The following PLD5 variants were observed in gnomAD, a reference collection of about 807,000 sequenced individuals.
PLD5 encodes phospholipase D family member 5, also known as inactive phospholipase D5.
A neutral mutation model predicts 61.1 loss-of-function variants in PLD5; 36 were observed. The ratio of observed to expected loss-of-function variants is 0.59; its 90% CI spans 0.45 to 0.78. PLD5 has a LOEUF of 0.78. PLD5 is among the 30% of genes least tolerant of loss of function. The probability of loss-of-function intolerance (pLI) is 0.00; values close to 1 mark genes in which losing one functional copy is unlikely to be tolerated. For missense variants in PLD5, 515 were observed against 644.4 expected (o/e 0.80, Z 2.17); for synonymous variants, 243 against 242.8 (o/e 1.00, Z -0.01).
intron 5 of PLD5, among the ~76,000 whole-genome samples, chr1:242,207,785 TA>T (rs1669438574): frequency 1.6e-5 from 1 of 64,360 alleles, no homozygotes; most frequent in African/African-American, 1.4e-4. Flanking sequence ...TATATATATT[TA>T]TATTTATATA....
chr1:242,225,032 C>A (rs952235235), intron 4 of PLD5, among the ~76,000 whole-genome samples: 2 of 152,146 alleles, frequency 1.3e-5, no homozygotes, highest in African/African-American at 4.8e-5. Context: ...CTATAGTTTT[C>A]CTTTTGTAAG....
rs144785217 is a variant in PLD5, at chr1:242,259,716, T to C, written c.607+5621A>G. On this transcript the variant is annotated intron_variant, in intron 4 of 9. Transcript: ENST00000536534. ...CTTTTTTTTTTCAAAAGGAAATTGA[T>C]ATTTTCTGACTTTATTTTATTTTTA... Among the ~76,000 whole-genome samples the C allele has an allele frequency of 4.6e-3, 701 of 152,164 alleles. 5 individuals are homozygous for C. Among genetic ancestry groups the C allele is most frequent in the African/African-American group, 0.013 (549 of 41,512 alleles).
At chr1:242,389,013 C>T (rs1161319541) in intron 1 of PLD5, among the ~76,000 whole-genome samples, 1 of 151,060 alleles carries the variant, frequency 6.6e-6, no homozygotes, top group Non-Finnish European at 1.5e-5. Context: ...CAAGATTGCG[C>T]CACTGCACTC....
chr1:242,097,398 C>G (rs1442633872), intron 9 of PLD5, among the ~76,000 whole-genome samples: 1 of 152,212 alleles, frequency 6.6e-6, no homozygotes. Context: ...TCTCCACATC[C>G]TCTCCAGCAC....
chr1:242,386,603 C>T (rs1217537068), intron 1 of PLD5, among the ~76,000 whole-genome samples: 1 of 152,140 alleles, frequency 6.6e-6, no homozygotes, highest in Non-Finnish European at 1.5e-5. Flanking sequence ...ATACAAAGCA[C>T]TCAACAACAC....
At chr1:242,430,767 C>T (rs1420614778) in intron 1 of PLD5, among the ~76,000 whole-genome samples, 1 of 152,160 alleles carries the variant, frequency 6.6e-6, no homozygotes, top group African/African-American at 2.4e-5. Context: ...CTCACAGGCA[C>T]ATGTCTAACT....
chr1:242,220,146 C>T, intron 4 of PLD5, 31 bp from the exon 5 acceptor site: 1 of 1,610,824 alleles, frequency 6.2e-7, no homozygotes, highest in Non-Finnish European at 8.5e-7. Context: ...TGGTCAGCCT[C>T]TGCGTCAAGG....
At chr1:242,513,064 G>A (rs2809996) in intron 1 of PLD5, among the ~76,000 whole-genome samples, 3 of 151,870 alleles carry the variant, frequency 2.0e-5, no homozygotes, top group Non-Finnish European at 4.4e-5. Context: ...ATTTTTTGTA[G>A]AGACAGGATC....
At chr1:242,358,922 G>C (rs1374215390) in intron 1 of PLD5, among the ~76,000 whole-genome samples, 1 of 152,106 alleles carries the variant, frequency 6.6e-6, no homozygotes, top group African/African-American at 2.4e-5. Flanking sequence ...CACCACCAGT[G>C]GGTAGGGAAA....
chr1:242,179,117 T>C (rs938963303), intron 5 of PLD5, among the ~76,000 whole-genome samples: 3 of 152,066 alleles, frequency 2.0e-5, no homozygotes, highest in Non-Finnish European at 2.9e-5. Context: ...ATGTGGGAGG[T>C]GATAGAGTGG....
intron 5 of PLD5, among the ~76,000 whole-genome samples, chr1:242,151,847 A>G (rs905774358): frequency 7.9e-5 from 12 of 151,928 alleles, no homozygotes; most frequent in Middle Eastern, 3.4e-3. Flanking sequence ...TTTCAAATTA[A>G]ATGTTTTATT....
At chr1:242,309,387 TC>T (rs1676564349) in intron 2 of PLD5, among the ~76,000 whole-genome samples, 1 of 142,928 alleles carries the variant, frequency 7.0e-6, no homozygotes, top group African/African-American at 2.7e-5. Flanking sequence ...AGTTTTCTTT[TC>T]TTTTTTTTTT....
chr1:242,107,910 T>G, intron 7 of PLD5, 71 bp from the exon 8 acceptor site: 1 of 1,376,778 alleles, frequency 7.3e-7, no homozygotes, highest in Non-Finnish European at 9.9e-7. Context: ...CTAGACAGCA[T>G]AGAACATTGA....
intron 7 of PLD5, 23 bp downstream of exon 7, chr1:242,113,867 C>T (rs1442787668): frequency 1.9e-6 from 3 of 1,609,318 alleles, no homozygotes; most frequent in South Asian, 2.2e-5. Flanking sequence ...TGGGTTCTAA[C>T]CAGAGGCTGG....
At position 242,509,195 on chromosome 1, in the gene PLD5, G is replaced by A. The variant is rs573254566; in HGVS notation, c.189+14893C>T. ...AGTTTGAGACCAGCCTGGGCAACAA[G>A]GTGAAACCCCATCTCTACTAAAATA... On this transcript the variant is annotated intron_variant, in intron 1 of 9. Coordinates refer to ENST00000536534, the MANE Select transcript of PLD5 (RefSeq NM_001372062.1). Among the ~76,000 whole-genome samples, 5 of 152,110 alleles carry A rather than the reference G, an allele frequency of 3.3e-5. No homozygotes were observed. In the South Asian group the frequency reaches 1.0e-3, roughly 32 times the overall value.
intron 1 of PLD5, among the ~76,000 whole-genome samples, chr1:242,381,306 C>A (rs1288284184): frequency 6.6e-6 from 1 of 152,098 alleles, no homozygotes; most frequent in Non-Finnish European, 1.5e-5. Flanking sequence ...GAAAAGAAAA[C>A]CAAACACCGC....
intron 5 of PLD5, among the ~76,000 whole-genome samples, chr1:242,162,351 G>A (rs532720262): frequency 3.3e-5 from 5 of 152,040 alleles, no homozygotes; most frequent in African/African-American, 4.8e-5. Flanking sequence ...TCCATCAGTC[G>A]TTTCTCCTTG....
At chr1:242,366,578 C>T (rs1418427) in intron 1 of PLD5, among the ~76,000 whole-genome samples, 144,194 of 152,246 alleles carry the variant, frequency 0.95, 68,758 homozygotes, top group Non-Finnish European at 1. Context: ...AAAATAATGG[C>T]AACAAATTAC....
chr1:242,116,916 C>G (rs1441034809), intron 6 of PLD5, among the ~76,000 whole-genome samples: 1 of 152,134 alleles, frequency 6.6e-6, no homozygotes. Flanking sequence ...TATACAGATA[C>G]TCCATCTGTC....
Sources: gnomAD v4.1 joint callset for allele counts (sites outside exome capture counted in the v4.1 genomes callset) on GRCh38, gnomAD v4.1.1 for gene constraint, MANE v1.5 for transcripts, NCBI Gene and HGNC (gene_info 2026-07-23, HGNC 2026-07-21) for gene names.